Variants in USH1C observed in about 807,000 individuals in gnomAD.
The protein encoded by USH1C is USH1 protein network component harmonin, also known as harmonin.
A neutral mutation model predicts 119.3 loss-of-function variants in USH1C; 90 were observed. The observed-to-expected ratio is 0.75, with a 90% CI of 0.64 to 0.90. The LOEUF (loss-of-function observed/expected upper bound fraction) is 0.90, where lower values mean the gene tolerates loss of function less well. USH1C is among the 40% of genes least tolerant of loss of function. USH1C has a pLI of 0.00. For synonymous variants in USH1C, 465 were observed against 443.3 expected (o/e 1.05, Z -0.62); for missense variants, 1,165 against 1,167.7 (o/e 1.00, Z 0.03).
chr11:17,513,820 A>AAAAG (rs1210270509), intron 15 of USH1C, among the ~76,000 whole-genome samples: 13 of 119,522 alleles, frequency 1.1e-4, no homozygotes, highest in South Asian at 3.6e-4. Flanking sequence ...GTTGCTTAAA[A>AAAAG]AAAGAAAGAA....
chr11:17,523,172 G>A, intron 11 of USH1C, 39 bp downstream of exon 11: 1 of 1,613,668 alleles, frequency 6.2e-7, no homozygotes, highest in Non-Finnish European at 8.5e-7. Context: ...GGCTGGGGAT[G>A]AAGGTCAAGG....
chr11:17,513,521 A>G (rs1849994248), intron 15 of USH1C, among the ~76,000 whole-genome samples: 1 of 152,114 alleles, frequency 6.6e-6, no homozygotes, highest in Non-Finnish European at 1.5e-5. Flanking sequence ...TCTCCTAAAG[A>G]CACACACCTC....
chr11:17,507,696 T>C (rs953973899), intron 18 of USH1C, among the ~76,000 whole-genome samples: 19 of 152,218 alleles, frequency 1.2e-4, no homozygotes, highest in African/African-American at 4.6e-4. Flanking sequence ...ATAGATGAAG[T>C]AGCATGTGTT....
intron 4 of USH1C, among the ~76,000 whole-genome samples, 165 bp from the exon 5 acceptor site, chr11:17,527,496 G>A (rs926864487): frequency 2.6e-5 from 4 of 152,000 alleles, no homozygotes; most frequent in East Asian, 3.9e-4. Context: ...CCATCAGCCC[G>A]GGGGATCCCA....
At chr11:17,503,415 A>G (rs1051828072) in intron 20 of USH1C, among the ~76,000 whole-genome samples, 2 of 152,182 alleles carry the variant, frequency 1.3e-5, no homozygotes, top group African/African-American at 4.8e-5. Context: ...AGAGACTCAT[A>G]AGCCACTGCA....
At chr11:17,539,250 C>A (rs1851353963) in intron 1 of USH1C, among the ~76,000 whole-genome samples, 1 of 152,168 alleles carries the variant, frequency 6.6e-6, no homozygotes, top group Non-Finnish European at 1.5e-5. Flanking sequence ...TGGGACTCAC[C>A]AAGCTGTGCT....
intron 20 of USH1C, among the ~76,000 whole-genome samples, chr11:17,503,197 G>A (rs571999290): frequency 2.0e-5 from 3 of 152,324 alleles, no homozygotes; most frequent in African/African-American, 7.2e-5. Context: ...AGACAGAGGA[G>A]GGGGTGCAGT....
chr11:17,501,904 G>T, intron 21 of USH1C, 35 bp downstream of exon 21: 2 of 1,609,878 alleles, frequency 1.2e-6, no homozygotes. Context: ...CTGTTCCTGG[G>T]GTTACTTGTC....
In USH1C at chr11:17,501,143, G is replaced by T; in HGVS notation, c.2288C>A (p.Ser763Tyr). ...VRLLRIKKEG[S>Y]LDLALEGGVD... ...ACCGCCTTCCAGGGCCAGGTCTAAG[G>T]ATCCCTCCTGGTTAGAGGAAAACAG... The change falls in exon 23 of 27, where the codon TCC becomes TAC. Residue 763 changes from serine (S) to tyrosine (Y), a missense_variant. Physicochemically the swap from Ser to Tyr is moderately radical, Grantham distance 144 (BLOSUM62 -2). Coordinates refer to ENST00000005226, the MANE Select transcript of USH1C (RefSeq NM_153676.4). 2 of 1,613,564 alleles carry T rather than the reference G, an allele frequency of 1.2e-6. No homozygotes were observed. The highest frequency in any genetic ancestry group is 1.7e-6 in the Non-Finnish European group (2 of 1,179,744).
At chr11:17,510,261 G>T in intron 17 of USH1C, 144 bp downstream of exon 17, 1 of 700,496 alleles carries the variant, frequency 1.4e-6, no homozygotes, top group Non-Finnish European at 2.6e-6. Flanking sequence ...GAGGGGAGTG[G>T]GGTGGTAGGG....
chr11:17,539,854 A>C (rs1357198890), intron 1 of USH1C, among the ~76,000 whole-genome samples: 1 of 112,292 alleles, frequency 8.9e-6, no homozygotes, highest in African/African-American at 3.6e-5. Context: ...TTTTTTTGAG[A>C]CCAGGTCTTA....
At chr11:17,512,427 A>AC (rs1326159812) in intron 15 of USH1C, among the ~76,000 whole-genome samples, 2 of 152,240 alleles carry the variant, frequency 1.3e-5, no homozygotes, top group East Asian at 3.8e-4. Context: ...AGAACTTTGT[A>AC]AAAGTTCTGT....
In USH1C at chr11:17,512,058, A is replaced by G. The variant is rs773232349; in HGVS notation, c.1261-4T>C. On this transcript the variant is annotated splice_region_variant and splice_polypyrimidine_tract_variant and intron_variant, in intron 15 of 26. Coordinates refer to ENST00000005226, the MANE Select transcript of USH1C (RefSeq NM_153676.4). Reference sequence around the variant, plus strand: ...CTTTCTTCTTATCTTTTCCTTTCTGAGTAGATGTGGCATTGTTTATATGAC... The same window carrying G: ...CTTTCTTCTTATCTTTTCCTTTCTGGGTAGATGTGGCATTGTTTATATGAC... The G allele has an allele frequency of 1.2e-6, 2 of 1,613,932 alleles. No individual in the cohort carries two copies. The highest frequency in any genetic ancestry group is 2.2e-5 in the South Asian group (2 of 91,082).
At chr11:17,497,024 G>A (rs1380154256) in intron 24 of USH1C, 3 of 553,894 alleles carry the variant, frequency 5.4e-6, no homozygotes, top group East Asian at 6.0e-5. Flanking sequence ...AGGGCTGCAA[G>A]GCCCTTGAAT....
chr11:17,527,725 C>A (rs1850773087), intron 4 of USH1C, among the ~76,000 whole-genome samples: 1 of 152,178 alleles, frequency 6.6e-6, no homozygotes, highest in South Asian at 2.1e-4. Flanking sequence ...GCTATTCTTA[C>A]CGGGACTTTG....
At chr11:17,503,326 C>T (rs1278940175) in intron 20 of USH1C, among the ~76,000 whole-genome samples, 1 of 152,208 alleles carries the variant, frequency 6.6e-6, no homozygotes, top group Non-Finnish European at 1.5e-5. Flanking sequence ...GCTCTGGCCT[C>T]CTTGCTCCAT....
chr11:17,541,709 G>T (rs968917729), intron 1 of USH1C, among the ~76,000 whole-genome samples: 21 of 152,196 alleles, frequency 1.4e-4, no homozygotes, highest in Admixed American at 1.4e-3. Context: ...AGTGCTCCTG[G>T]CGGCCTTGGG....
intron 20 of USH1C, 178 bp from the exon 21 acceptor site, chr11:17,502,158 C>A: frequency 1.7e-6 from 1 of 592,204 alleles, no homozygotes. Flanking sequence ...AGCCAGGGCA[C>A]CCCTGTTCAG....
chr11:17,542,057 C>T (rs907624799), intron 1 of USH1C, among the ~76,000 whole-genome samples: 1 of 152,192 alleles, frequency 6.6e-6, no homozygotes, highest in Non-Finnish European at 1.5e-5. Context: ...GCTCCCCACA[C>T]ACATGTAGGT....
Sources: allele counts gnomAD v4.1 joint callset (sites outside exome capture counted in the v4.1 genomes callset), GRCh38; gene constraint gnomAD v4.1.1; transcripts MANE v1.5; gene names NCBI Gene and HGNC (gene_info 2026-07-23, HGNC 2026-07-21).